Variants in CHD2 observed in about 807,000 individuals in gnomAD.
CHD2 encodes chromodomain helicase DNA binding protein 2.
Under a neutral mutation model 243.9 loss-of-function variants are expected in CHD2, and 28 were observed. That is an observed-to-expected ratio of 0.11 (90% CI 0.09 to 0.16). The LOEUF is 0.16. Ranked by LOEUF, CHD2 falls within the 10% of genes least tolerant of loss-of-function variation. The pLI is 1.00. For missense variants in CHD2, 1,386 were observed against 2,209.8 expected (o/e 0.63, Z 7.47); for synonymous variants, 775 against 779.0 (o/e 0.99, Z 0.09).
chr15:92,955,355 C>A, intron 14 of CHD2, 68 bp from the exon 15 acceptor site: 1 of 918,022 alleles, frequency 1.1e-6, no homozygotes, highest in Non-Finnish European at 1.6e-6. Flanking sequence ...TTACATCAAT[C>A]ACAAAACTTA....
chr15:92,917,453 C>T (rs558965849), intron 2 of CHD2, among the ~76,000 whole-genome samples: 2 of 152,270 alleles, frequency 1.3e-5, no homozygotes, highest in Admixed American at 6.5e-5. Flanking sequence ...TCCAGCTACT[C>T]TGGAGACTGA....
intron 26 of CHD2, chr15:92,991,258 T>TG (rs1486118042): frequency 3.6e-5 from 17 of 472,182 alleles, no homozygotes; most frequent in Non-Finnish European, 4.8e-5. Flanking sequence ...AGAATAAAGT[T>TG]GATCTTTAAT....
At chr15:92,906,662 A>ATTTT (rs1491337436) in intron 2 of CHD2, among the ~76,000 whole-genome samples, 35 of 103,254 alleles carry the variant, frequency 3.4e-4, no homozygotes, top group Non-Finnish European at 5.5e-4. Flanking sequence ...GCTATGAGCC[A>ATTTT]TCTTTTTTTT....
intron 25 of CHD2, 59 bp downstream of exon 25, chr15:92,984,559 T>G (rs2054016781): frequency 6.8e-7 from 1 of 1,469,500 alleles, no homozygotes; most frequent in Non-Finnish European, 9.1e-7. Flanking sequence ...GCTACAGAAG[T>G]GTTGATTATT....
At chr15:92,906,794 T>A (rs953076444) in intron 2 of CHD2, among the ~76,000 whole-genome samples, 1 of 152,104 alleles carries the variant, frequency 6.6e-6, no homozygotes, top group Non-Finnish European at 1.5e-5. Flanking sequence ...TAAAAAAAAA[T>A]TCCTCTAAGA....
chr15:93,003,739 G>A (rs1233695679), intron 33 of CHD2, among the ~76,000 whole-genome samples: 2 of 151,922 alleles, frequency 1.3e-5, no homozygotes, highest in African/African-American at 2.4e-5. Flanking sequence ...AAGTGGGTCC[G>A]AAACCTTCCT....
At chr15:92,982,379 C>G (rs561784909) in intron 24 of CHD2, among the ~76,000 whole-genome samples, 1 of 152,230 alleles carries the variant, frequency 6.6e-6, no homozygotes, top group South Asian at 2.1e-4. Context: ...TGGGAGGAAC[C>G]TGATAGGGAG....
intron 26 of CHD2, among the ~76,000 whole-genome samples, chr15:92,989,312 G>A (rs1369889087): frequency 1.3e-5 from 2 of 152,088 alleles, no homozygotes; most frequent in Non-Finnish European, 2.9e-5. Context: ...GATTACAGGC[G>A]TGAGCCACCA....
intron 2 of CHD2, chr15:92,901,698 G>A (rs183395345): frequency 8.0e-4 from 270 of 336,300 alleles, no homozygotes; most frequent in Non-Finnish European, 1.2e-3. Flanking sequence ...GAAGAATCCA[G>A]GATATCTAAA....
intron 2 of CHD2, among the ~76,000 whole-genome samples, chr15:92,920,159 C>G (rs186900764): frequency 1.3e-5 from 2 of 151,732 alleles, no homozygotes; most frequent in African/African-American, 4.8e-5. Flanking sequence ...TTTTTTTTCC[C>G]CAGAAGGTAT....
rs1384773745 is a variant in CHD2 at position 92,900,723 on chromosome 15, G to A, written c.-173G>A. On this transcript the variant is annotated 5_prime_UTR_variant, in exon 1 of 39. Coordinates refer to ENST00000394196, the MANE Select transcript of CHD2 (RefSeq NM_001271.4). ...TTGAGGGTTATTTTATTTATTTTTC[G>A]TTTTTTAACGGAGGATTTTGCCTTT... 2.5e-6 allele frequency: 1 copy of A among 396,828 alleles called. No homozygotes were observed. Among genetic ancestry groups the A allele is most frequent in the East Asian group, 3.6e-5 (1 of 28,038 alleles). The allele number at this position is 396,828 out of a possible 1,614,324, so 24.6% of individuals were successfully genotyped here.
chr15:93,020,607 A>G, intron 38 of CHD2: 1 of 486,964 alleles, frequency 2.1e-6, no homozygotes, highest in South Asian at 2.8e-5. Context: ...GTACCAGCCC[A>G]CAGTCCTTAC....
intron 13 of CHD2, 119 bp downstream of exon 13, chr15:92,949,195 T>C (rs1183646878): frequency 2.0e-6 from 3 of 1,529,630 alleles, no homozygotes; most frequent in African/African-American, 2.8e-5. Context: ...AAGAAATCTT[T>C]ATGCTGCATA....
chr15:92,992,751 A>C, intron 27 of CHD2, 108 bp from the exon 28 acceptor site: 1 of 1,419,770 alleles, frequency 7.0e-7, no homozygotes, highest in Non-Finnish European at 9.6e-7. Context: ...GAACGCAAAG[A>C]AAAGTGTCTT....
chr15:92,975,296 G>A (rs2053892758), intron 20 of CHD2, among the ~76,000 whole-genome samples: 1 of 152,134 alleles, frequency 6.6e-6, no homozygotes, highest in South Asian at 2.1e-4. Context: ...CTCTTTTGGT[G>A]ACTAAGTCCT....
chr15:92,985,391 TG>T, intron 25 of CHD2, 106 bp from the exon 26 acceptor site: 1 of 1,118,692 alleles, frequency 8.9e-7, no homozygotes, highest in Non-Finnish European at 1.2e-6. Flanking sequence ...TTGTCTGATA[TG>T]GTGAGAAGTT....
chr15:92,954,792 T>G (rs1176685556), intron 14 of CHD2, among the ~76,000 whole-genome samples: 1 of 152,230 alleles, frequency 6.6e-6, no homozygotes, highest in Non-Finnish European at 1.5e-5. Flanking sequence ...AGGCACTTAC[T>G]GTCTTGTTCT....
At chr15:92,943,699 T>G (rs2053418278) in intron 9 of CHD2, 1 of 154,460 alleles carries the variant, frequency 6.5e-6, no homozygotes, top group African/African-American at 2.4e-5. Flanking sequence ...AAACCTAAAC[T>G]GGGTAATAAT....
chr15:93,000,040 C>T (rs890310084), intron 31 of CHD2, among the ~76,000 whole-genome samples: 2 of 152,138 alleles, frequency 1.3e-5, no homozygotes, highest in African/African-American at 4.8e-5. Flanking sequence ...GGGTGGATCA[C>T]CTGAAGTCAG....
Sources: allele counts gnomAD v4.1 joint callset (sites outside exome capture counted in the v4.1 genomes callset), GRCh38; gene constraint gnomAD v4.1.1; transcripts MANE v1.5; gene names NCBI Gene and HGNC (gene_info 2026-07-23, HGNC 2026-07-21).